The following DPH6 variants were observed in gnomAD, a reference collection of about 807,000 sequenced individuals.
The protein encoded by DPH6 is diphthamine biosynthesis 6.
DPH6 carries 33 observed loss-of-function variants against 38.2 expected under a neutral mutation model. The observed-to-expected ratio is 0.86, with a 90% CI of 0.65 to 1.15. The LOEUF is 1.15. Ranked by LOEUF, DPH6 falls within the 50% of genes most tolerant of loss-of-function variation. DPH6 has a pLI of 0.00. For synonymous variants in DPH6, 108 were observed against 103.0 expected (o/e 1.05, Z -0.30); for missense variants, 325 against 320.0 (o/e 1.02, Z -0.12).
intron 2 of DPH6, among the ~76,000 whole-genome samples, chr15:35,539,524 C>G (rs1193671097): frequency 2.6e-5 from 4 of 151,912 alleles, no homozygotes; most frequent in African/African-American, 9.7e-5. Flanking sequence ...CCAATAAGAG[C>G]AGAGAATATG....
chr15:35,253,922 C>T (rs910435613), intron 3 of DPH6, among the ~76,000 whole-genome samples: 1 of 152,092 alleles, frequency 6.6e-6, no homozygotes, highest in Non-Finnish European at 1.5e-5. Flanking sequence ...CATGGGAAAC[C>T]AGATCAGGTC....
At chr15:35,345,136 A>T (rs2052451344) in intron 3 of DPH6, among the ~76,000 whole-genome samples, 1 of 151,852 alleles carries the variant, frequency 6.6e-6, no homozygotes, top group South Asian at 2.1e-4. Context: ...AGATATGCCC[A>T]AAGTCACTTG....
chr15:35,243,634 A>ACCCCTG (rs1156828724), intron 3 of DPH6, among the ~76,000 whole-genome samples: 1 of 149,032 alleles, frequency 6.7e-6, no homozygotes, highest in Non-Finnish European at 1.5e-5. Flanking sequence ...GCACCTTGTG[A>ACCCCTG]CCCCTGCCCC....
intron 3 of DPH6, among the ~76,000 whole-genome samples, chr15:35,221,663 T>A (rs544212415): frequency 6.6e-6 from 1 of 152,340 alleles, no homozygotes; most frequent in South Asian, 2.1e-4. Context: ...ATTGTCTTGA[T>A]GAATAGCACT....
downstream of DPH6, among the ~76,000 whole-genome samples, chr15:35,367,716 A>G (rs2140914896): frequency 6.6e-6 from 1 of 151,976 alleles, no homozygotes; most frequent in East Asian, 1.9e-4. Flanking sequence ...AAATTTAAGT[A>G]GATTAATTAT....
intron 7 of DPH6, among the ~76,000 whole-genome samples, chr15:35,374,538 T>G (rs2052755259): frequency 6.6e-6 from 1 of 152,092 alleles, no homozygotes; most frequent in African/African-American, 2.4e-5. Flanking sequence ...TTATTAAACT[T>G]TCATAAGCAA....
intron 3 of DPH6, among the ~76,000 whole-genome samples, chr15:35,505,320 G>A (rs913163218): frequency 6.6e-6 from 1 of 151,788 alleles, no homozygotes; most frequent in Non-Finnish European, 1.5e-5. Flanking sequence ...TTCCTTTGCA[G>A]GCACTTCCTC....
the DPH6 span, among the ~76,000 whole-genome samples, chr15:35,153,307 T>A: frequency 6.6e-6 from 1 of 152,190 alleles, no homozygotes; most frequent in African/African-American, 2.4e-5. Context: ...AACATAAATT[T>A]ACAAAGATTA....
chr15:35,445,412 A>G lies in DPH6; in HGVS notation c.505+5273T>C, dbSNP rs80092593. The stretch of plus-strand genomic sequence containing the variant: ...ATCATCATCAAAAAAAAAAAAAAAA[A>G]AGAGATCTGAATGGTAAATAGTTGA... On this transcript the variant is annotated intron_variant, in intron 5 of 8. Coordinates refer to ENST00000256538, the MANE Select transcript of DPH6 (RefSeq NM_080650.4). Among the ~76,000 whole-genome samples, 1,055 of 151,010 alleles carry G rather than the reference A, an allele frequency of 7.0e-3. 6 individuals are homozygous for G. The highest frequency in any genetic ancestry group is 0.014 in the Middle Eastern group (4 of 292).
intron 3 of DPH6, among the ~76,000 whole-genome samples, chr15:35,456,367 T>C (rs1275295338): frequency 6.6e-6 from 1 of 151,296 alleles, no homozygotes; most frequent in Non-Finnish European, 1.5e-5. Flanking sequence ...CTAAATATTA[T>C]AGATGTATAG....
intron 3 of DPH6, among the ~76,000 whole-genome samples, chr15:35,249,881 C>T (rs1346287039): frequency 7.9e-5 from 12 of 151,992 alleles, no homozygotes; most frequent in Non-Finnish European, 1.3e-4. Context: ...ATATAAAATA[C>T]GGCCGGGCGC....
Position 35,372,197 on chromosome 15 carries a change from A to T in DPH6, c.757T>A (p.Ser253Thr). The T allele has an allele frequency of 6.7e-7, 1 of 1,491,382 alleles. No individual in the cohort carries two copies. The highest frequency in any genetic ancestry group is 1.4e-5 in the South Asian group (1 of 71,310). The allele number at this position is 1,491,382 out of a possible 1,614,324, so 92.4% of individuals were successfully genotyped here. A position where few individuals can be genotyped will look rare whatever the true frequency, so the allele number is the denominator to read the frequency against. ...LELHLEDKVS[S>T]VPDNYRTSNY... ...GATGTTCTGTAGTTGTCAGGCACTG[A>T]GGACACCTAAAAAAAAAAGGGAAGG... Residue 253 changes from serine to threonine, a missense_variant, in exon 9 of 9, where the codon TCA (serine) becomes ACA (threonine). Physicochemically the swap from Ser to Thr is moderately conservative, Grantham distance 58. Transcript: ENST00000256538.
At chr15:35,241,837 C>G (rs1428541901) in intron 3 of DPH6, among the ~76,000 whole-genome samples, 1 of 143,292 alleles carries the variant, frequency 7.0e-6, no homozygotes. Flanking sequence ...CCTTTTAAAG[C>G]CTATAAATTC....
At chr15:35,236,593 C>G (rs991749364) in intron 3 of DPH6, among the ~76,000 whole-genome samples, 2 of 151,000 alleles carry the variant, frequency 1.3e-5, no homozygotes, top group Admixed American at 1.3e-4. Context: ...GAGCCCAGAT[C>G]GCGCCACTGC....
At chr15:35,515,840 G>A (rs542165642) in intron 3 of DPH6, among the ~76,000 whole-genome samples, 1 of 152,022 alleles carries the variant, frequency 6.6e-6, no homozygotes, top group African/African-American at 2.4e-5. Flanking sequence ...TGAGGCTGCA[G>A]TGAATTATGC....
intron 3 of DPH6, among the ~76,000 whole-genome samples, chr15:35,501,450 T>C (rs1232989312): frequency 6.6e-6 from 1 of 152,144 alleles, no homozygotes; most frequent in Non-Finnish European, 1.5e-5. Context: ...TATGTTTCCA[T>C]AAAAGATGAA....
downstream of DPH6, among the ~76,000 whole-genome samples, chr15:35,216,902 T>C (rs1477013139): frequency 6.6e-6 from 1 of 152,196 alleles, no homozygotes; most frequent in Non-Finnish European, 1.5e-5. Flanking sequence ...TGATGGCATG[T>C]GATTCTAGAT....
intron 5 of DPH6, among the ~76,000 whole-genome samples, chr15:35,413,980 T>C (rs1469457454): frequency 6.6e-6 from 1 of 151,776 alleles, no homozygotes; most frequent in Non-Finnish European, 1.5e-5. Flanking sequence ...TCTTAATGTA[T>C]TAAGTATCTT....
chr15:35,433,816 C>T (rs1055648389), intron 5 of DPH6, among the ~76,000 whole-genome samples: 3 of 152,108 alleles, frequency 2.0e-5, no homozygotes, highest in African/African-American at 7.2e-5. Flanking sequence ...GTCTGGAGTG[C>T]AGTTTGGTCA....
Sources: gnomAD v4.1 joint callset for allele counts (sites outside exome capture counted in the v4.1 genomes callset) on GRCh38, gnomAD v4.1.1 for gene constraint, MANE v1.5 for transcripts, NCBI Gene and HGNC (gene_info 2026-07-23, HGNC 2026-07-21) for gene names.